BMP7: variants seen among roughly 807,000 people sequenced by gnomAD.
BMP7 encodes bone morphogenetic protein 7.
Under a neutral mutation model 41.2 loss-of-function variants are expected in BMP7, and 12 were observed. The ratio of observed to expected loss-of-function variants is 0.29; its 90% CI spans 0.19 to 0.47. The LOEUF (loss-of-function observed/expected upper bound fraction) is 0.47. BMP7 is among the 20% of genes least tolerant of loss of function. The pLI is 0.99. For missense variants in BMP7, 467 were observed against 606.0 expected (o/e 0.77, Z 2.41); for synonymous variants, 248 against 250.0 (o/e 0.99, Z 0.07).
intron 1 of BMP7, among the ~76,000 whole-genome samples, chr20:57,236,229 A>C (rs1204730730): frequency 1.3e-5 from 2 of 152,240 alleles, no homozygotes; most frequent in African/African-American, 4.8e-5. Flanking sequence ...GATTAAAAGC[A>C]AGCATATGAA....
intron 1 of BMP7, among the ~76,000 whole-genome samples, chr20:57,258,593 C>T (rs2066142764): frequency 1.3e-5 from 2 of 152,112 alleles, no homozygotes; most frequent in Non-Finnish European, 2.9e-5. Flanking sequence ...CAGAGAGTTC[C>T]GGTATACCCT....
chr20:57,240,405 T>G (rs914079550), intron 1 of BMP7, among the ~76,000 whole-genome samples: 1 of 152,236 alleles, frequency 6.6e-6, no homozygotes, highest in Non-Finnish European at 1.5e-5. Flanking sequence ...CTATCAGCGT[T>G]TTGGGCAAAG....
At chr20:57,183,006 A>T (rs1984119747) in intron 4 of BMP7, among the ~76,000 whole-genome samples, 1 of 152,344 alleles carries the variant, frequency 6.6e-6, no homozygotes, top group African/African-American at 2.4e-5. Context: ...AGGCCAAGGC[A>T]GGTGGATCAC....
chr20:57,228,362 G>C lies in BMP7; in HGVS notation c.478C>G (p.Leu160Val), dbSNP rs202227032. The C allele has an allele frequency of 5.6e-6, 9 of 1,614,042 alleles. No homozygotes were observed. Among genetic ancestry groups the C allele is most frequent in the African/African-American group, 1.3e-5 (1 of 74,920 alleles). ...RYHHREFRFD[L>V]SKIPEGEAVT... ...GCTTCCCCTTCTGGGATCTTGGAAAGATCAAACCGGAACTCTCGATGGTGG... is the reference window on the plus strand; with the variant it reads ...GCTTCCCCTTCTGGGATCTTGGAAACATCAAACCGGAACTCTCGATGGTGG... The change falls in exon 2 of 7, where the codon CTT (leucine) becomes GTT (valine). Residue 160 changes from leucine (L) to valine (V), a missense_variant. Physicochemically the swap from Leu to Val is conservative, Grantham distance 32. Around this residue, in one of 2 missense-constraint regions of BMP7, gnomAD observed 407 missense variants for 485.9 expected, o/e 0.84. Coordinates refer to ENST00000395863, the MANE Select transcript of BMP7 (RefSeq NM_001719.3). The surrounding 1 kb of genome is among the most constrained non-coding windows in gnomAD (Gnocchi z 4.5).
chr20:57,191,472 C>T (rs1314837684), intron 3 of BMP7, among the ~76,000 whole-genome samples: 2 of 151,972 alleles, frequency 1.3e-5, no homozygotes, highest in South Asian at 2.1e-4. Context: ...CCGAGGCAGG[C>T]AGATCACTTG....
At chr20:57,181,320 T>G (rs748037750) in intron 4 of BMP7, among the ~76,000 whole-genome samples, 1 of 151,818 alleles carries the variant, frequency 6.6e-6, no homozygotes, top group Admixed American at 6.6e-5. Flanking sequence ...GCCTAGGCAA[T>G]ATAGGGAGGC....
At chr20:57,230,355 C>G (rs995408146) in intron 1 of BMP7, among the ~76,000 whole-genome samples, 1 of 152,098 alleles carries the variant, frequency 6.6e-6, no homozygotes, top group Non-Finnish European at 1.5e-5. Flanking sequence ...CGGGAGGTGA[C>G]CCCAGGTGGG....
intron 1 of BMP7, among the ~76,000 whole-genome samples, chr20:57,258,415 G>A (rs1419197677): frequency 3.9e-5 from 6 of 152,216 alleles, no homozygotes; most frequent in Non-Finnish European, 8.8e-5. Context: ...AAGTTGTGCA[G>A]TTCTGTTAAT....
chr20:57,245,785 C>A (rs1201271775), intron 1 of BMP7, among the ~76,000 whole-genome samples: 1 of 151,884 alleles, frequency 6.6e-6, no homozygotes, highest in African/African-American at 2.4e-5. Flanking sequence ...ATTACAGGCG[C>A]CCGCCACCAC....
intron 4 of BMP7, among the ~76,000 whole-genome samples, chr20:57,182,226 G>C (rs957359039): frequency 6.6e-6 from 1 of 152,222 alleles, no homozygotes; most frequent in Non-Finnish European, 1.5e-5. Flanking sequence ...TGTGCAGGGG[G>C]CATGAGCCAG....
intron 3 of BMP7, among the ~76,000 whole-genome samples, chr20:57,200,693 G>A (rs762049643): frequency 2.0e-5 from 3 of 152,194 alleles, no homozygotes; most frequent in East Asian, 3.9e-4. Flanking sequence ...CTACTCAAGC[G>A]CTGAAGCAGG....
At chr20:57,220,800 A>G (rs2123109949) in intron 2 of BMP7, among the ~76,000 whole-genome samples, 1 of 152,368 alleles carries the variant, frequency 6.6e-6, no homozygotes, top group South Asian at 2.1e-4. Context: ...AATTGGGCTC[A>G]GATGCTGAAG....
At chr20:57,226,384 A>T (rs1168134887) in intron 2 of BMP7, among the ~76,000 whole-genome samples, 1 of 152,216 alleles carries the variant, frequency 6.6e-6, no homozygotes. Context: ...AAAGCCACCC[A>T]TGTGTGGGCC....
chr20:57,198,509 C>T (rs1984553691), intron 3 of BMP7, among the ~76,000 whole-genome samples: 1 of 152,242 alleles, frequency 6.6e-6, no homozygotes, highest in African/African-American at 2.4e-5. Flanking sequence ...TCCTGATGAG[C>T]TGCAGGTGCC....
Position 57,175,025 on chromosome 20 carries a change from T to TGAA in BMP7, c.959-21_959-19dup. The TGAA allele has an allele frequency of 6.2e-7, 1 of 1,606,884 alleles. No homozygotes were observed. The highest frequency in any genetic ancestry group is 8.5e-7 in the Non-Finnish European group (1 of 1,178,688). On this transcript the variant is annotated intron_variant, in intron 4 of 6. Coordinates refer to ENST00000395863, the MANE Select transcript of BMP7 (RefSeq NM_001719.3). ...GCTGTTCTCTGCATTGACAAGGAAG[T>TGAA]GAAGAAGCAGAGCCCAGTGAGGAGA...
intron 4 of BMP7, among the ~76,000 whole-genome samples, chr20:57,178,334 A>G (rs1046696757): frequency 1.3e-5 from 2 of 152,092 alleles, no homozygotes; most frequent in Non-Finnish European, 2.9e-5. Flanking sequence ...GTGTGGGCGG[A>G]GGGAAGATCT....
chr20:57,255,227 G>A (rs2146029646), intron 1 of BMP7, among the ~76,000 whole-genome samples: 1 of 152,258 alleles, frequency 6.6e-6, no homozygotes, highest in East Asian at 1.9e-4. Context: ...GCAAGAGCTG[G>A]ACAGACACAT....
chr20:57,179,672 G>T (rs534982118), intron 4 of BMP7, among the ~76,000 whole-genome samples: 28 of 152,274 alleles, frequency 1.8e-4, no homozygotes, highest in Non-Finnish European at 3.7e-4. Context: ...AAACCGGGGG[G>T]ACGAGCGATT....
At chr20:57,233,733 G>A (rs538659198) in intron 1 of BMP7, among the ~76,000 whole-genome samples, 6 of 152,284 alleles carry the variant, frequency 3.9e-5, no homozygotes, top group Admixed American at 2.6e-4. Context: ...CTGATACAAA[G>A]GGAGGGCCAC....
Sources: gnomAD v4.1 joint callset for allele counts (sites outside exome capture counted in the v4.1 genomes callset) on GRCh38, gnomAD v4.1.1 for gene constraint, gnomAD v4.1.1 regional missense constraint, Gnocchi (gnomAD v3.1) non-coding constraint, MANE v1.5 for transcripts, NCBI Gene and HGNC (gene_info 2026-07-23, HGNC 2026-07-21) for gene names.